ATG10: variants seen among roughly 807,000 people sequenced by gnomAD.
The protein encoded by ATG10 is autophagy related 10.
Under a neutral mutation model 32.1 loss-of-function variants are expected in ATG10, and 30 were observed. The observed-to-expected ratio is 0.94, with a 90% CI of 0.70 to 1.27. The LOEUF (loss-of-function observed/expected upper bound fraction) is 1.27, where lower values mean the gene tolerates loss of function less well. ATG10 is among the 50% of genes most tolerant of loss of function. The pLI is 0.00. For missense variants in ATG10, 233 were observed against 262.3 expected, an observed-to-expected ratio of 0.89 and a Z score of 0.77; for synonymous variants, 87 against 91.5, an observed-to-expected ratio of 0.95 and a Z score of 0.28.
intron 3 of ATG10, among the ~76,000 whole-genome samples, chr5:82,109,609 T>A (rs1168878798): frequency 1.3e-5 from 2 of 151,830 alleles, no homozygotes; most frequent in Non-Finnish European, 2.9e-5. Context: ...CTATTTTTTA[T>A]AATGATATAT....
At chr5:82,144,717 T>C (rs1307565990) in intron 3 of ATG10, among the ~76,000 whole-genome samples, 1 of 129,736 alleles carries the variant, frequency 7.7e-6, no homozygotes, top group Non-Finnish European at 1.7e-5. Context: ...ATGTCTTTTA[T>C]TGTCAAGCAT....
rs140055645 is a variant in ATG10 at position 82,137,636 on chromosome 5, A to G, written c.217-26763A>G. On this transcript the variant is annotated intron_variant, in intron 3 of 7. Transcript: ENST00000282185. ...CAGATGCCAGCCAGAGCTCTCCTGT[A>G]TGAGGTATCTGTCGACCCCTGCTGG... is the stretch of plus-strand genomic sequence containing the variant. Among the ~76,000 whole-genome samples the G allele has an allele frequency of 5.3e-3, 803 of 152,268 alleles. 6 individuals are homozygous for G. Among genetic ancestry groups the G allele is most frequent in the African/African-American group, 0.018 (757 of 41,554 alleles).
At chr5:82,159,781 A>G (rs960704450) in intron 3 of ATG10, among the ~76,000 whole-genome samples, 2 of 152,104 alleles carry the variant, frequency 1.3e-5, no homozygotes, top group Non-Finnish European at 2.9e-5. Context: ...TATTAGCACC[A>G]TGAGGTCTTA....
chr5:82,221,729 A>T (rs1251990146), intron 5 of ATG10, among the ~76,000 whole-genome samples: 1 of 152,220 alleles, frequency 6.6e-6, no homozygotes, highest in East Asian at 1.9e-4. Flanking sequence ...GGCATGCAAA[A>T]ATATATTTTG....
At chr5:82,129,064 A>C (rs1253388116) in intron 3 of ATG10, among the ~76,000 whole-genome samples, 1 of 151,180 alleles carries the variant, frequency 6.6e-6, no homozygotes, top group African/African-American at 2.4e-5. Flanking sequence ...CTTTTTCTCT[A>C]ATCTTGTCTT....
chr5:81,995,999 G>A (rs1187893999), intron 2 of ATG10, among the ~76,000 whole-genome samples: 1 of 152,070 alleles, frequency 6.6e-6, no homozygotes, highest in African/African-American at 2.4e-5. Flanking sequence ...AACTAGTTGC[G>A]ATTCTGCTGC....
intron 1 of ATG10, among the ~76,000 whole-genome samples, chr5:81,985,525 A>T (rs545131924): frequency 6.7e-6 from 1 of 150,282 alleles, no homozygotes; most frequent in African/African-American, 2.4e-5. Flanking sequence ...TTCAAACTCA[A>T]TATGGCCAAA....
chr5:82,167,875 T>G (rs912902236), intron 4 of ATG10, among the ~76,000 whole-genome samples: 14 of 152,166 alleles, frequency 9.2e-5, no homozygotes, highest in African/African-American at 3.4e-4. Flanking sequence ...CAATGTTCTG[T>G]TTTTCTCTAA....
chr5:82,139,639 C>T (rs1179938957), intron 3 of ATG10, among the ~76,000 whole-genome samples: 14 of 132,868 alleles, frequency 1.1e-4, no homozygotes, highest in African/African-American at 3.5e-4. Flanking sequence ...GGAGCGTCTC[C>T]GCCCAGCAGC....
At chr5:82,068,541 A>C (rs1764017107) in intron 3 of ATG10, among the ~76,000 whole-genome samples, 1 of 151,726 alleles carries the variant, frequency 6.6e-6, no homozygotes, top group South Asian at 2.1e-4. Context: ...GTATCCCAGA[A>C]CTTAAAGTAT....
In ATG10 at chr5:82,016,242, A is replaced by C. The variant is rs141431164; in HGVS notation, c.108+28564A>C. On this transcript the variant is annotated intron_variant, in intron 2 of 7. Coordinates refer to ENST00000282185, the MANE Select transcript of ATG10 (RefSeq NM_031482.5). ...GAATTTAAGTCTTTGATCCATCTTT[A>C]GTTGATTTTTGTATAAGGTGAGAGA... Among the ~76,000 whole-genome samples the C allele has an allele frequency of 6.2e-4, 95 of 152,124 alleles. No individual in the cohort carries two copies. The East Asian group carries it at 0.016, about 25-fold the overall frequency.
chr5:82,173,635 T>G (rs1233705256), intron 4 of ATG10, among the ~76,000 whole-genome samples: 2 of 152,210 alleles, frequency 1.3e-5, no homozygotes, highest in Non-Finnish European at 2.9e-5. Flanking sequence ...TTCTACTTCT[T>G]TTTCAAGTAT....
At position 82,221,434 on chromosome 5, in the gene ATG10, TATGTA is replaced by T. The variant is rs1377614481; in HGVS notation, c.454-31127_454-31123del. Among the ~76,000 whole-genome samples, 6 of 152,212 alleles carry T rather than the reference TATGTA, an allele frequency of 3.9e-5. No individual in the cohort carries two copies. The East Asian group carries it at 1.2e-3, about 29-fold the overall frequency. ...ATCTGATAGAGCTCTTGAAAAACACTATGTACACTTTTTGCCTTCTGGTTGCAGAT... is the reference window on the plus strand; with the variant it reads ...ATCTGATAGAGCTCTTGAAAAACACTCACTTTTTGCCTTCTGGTTGCAGAT... On this transcript the variant is annotated intron_variant, in intron 5 of 7. Transcript: ENST00000282185.
Position 82,192,148 on chromosome 5 carries a change from G to A in ATG10, c.453+13561G>A, listed in dbSNP as rs185148932. ...AGAGGACGGGGCATCCATTTTGCTGGTGGGAGTTGTAGCAGGTGTGCTGTG... is the reference window on the plus strand; with the variant it reads ...AGAGGACGGGGCATCCATTTTGCTGATGGGAGTTGTAGCAGGTGTGCTGTG... On this transcript the variant is annotated intron_variant, in intron 5 of 7. Transcript: ENST00000282185. 6.9e-3 allele frequency among the ~76,000 whole-genome samples: 1,053 copies of A among 152,326 alleles called. 5 individuals carry two copies. Among genetic ancestry groups the A allele is most frequent in the Non-Finnish European group, 0.011 (722 of 68,030 alleles).
intron 1 of ATG10, among the ~76,000 whole-genome samples, chr5:81,976,695 T>C (rs1760885427): frequency 6.6e-6 from 1 of 152,200 alleles, no homozygotes; most frequent in South Asian, 2.1e-4. Context: ...CAGCCCCATA[T>C]TGCTTGCATT....
chr5:82,200,541 T>C (rs1354052962), intron 5 of ATG10, among the ~76,000 whole-genome samples: 1 of 126,702 alleles, frequency 7.9e-6, no homozygotes, highest in Non-Finnish European at 1.6e-5. Flanking sequence ...AGTGGCACAA[T>C]CATAGCTTAC....
At chr5:82,083,718 G>T (rs1314102414) in intron 3 of ATG10, among the ~76,000 whole-genome samples, 1 of 152,194 alleles carries the variant, frequency 6.6e-6, no homozygotes, top group Non-Finnish European at 1.5e-5. Flanking sequence ...AACAGGGTCT[G>T]GAGTGGACCT....
At chr5:81,982,839 G>T (rs1051837785) in intron 1 of ATG10, among the ~76,000 whole-genome samples, 1 of 152,192 alleles carries the variant, frequency 6.6e-6, no homozygotes, top group Non-Finnish European at 1.5e-5. Context: ...ATTTAACCCC[G>T]AGTGGACACA....
chr5:82,151,956 A>G (rs1031441559), intron 3 of ATG10, among the ~76,000 whole-genome samples: 1 of 152,220 alleles, frequency 6.6e-6, no homozygotes, highest in African/African-American at 2.4e-5. Context: ...TGTTGCAGCC[A>G]TTAAAATCAC....
Sources: allele counts gnomAD v4.1 joint callset (sites outside exome capture counted in the v4.1 genomes callset), GRCh38; gene constraint gnomAD v4.1.1; transcripts MANE v1.5; gene names NCBI Gene and HGNC (gene_info 2026-07-23, HGNC 2026-07-21).